Variants in RAB11FIP2 observed in about 807,000 individuals in gnomAD.
RAB11FIP2 encodes the protein rab11 family-interacting protein 2.
RAB11FIP2 carries 16 observed loss-of-function variants against 40.9 expected under a neutral mutation model. That is an observed-to-expected ratio of 0.39 (90% CI 0.26 to 0.59). RAB11FIP2 has a LOEUF of 0.59. RAB11FIP2 is among the 20% of genes least tolerant of loss of function. The pLI, the probability that RAB11FIP2 is intolerant of heterozygous loss-of-function variation, is 0.53. For missense variants in RAB11FIP2, 532 were observed against 606.2 expected (o/e 0.88, Z 1.28); for synonymous variants, 228 against 213.7 (o/e 1.07, Z -0.58).
In RAB11FIP2 at chr10:118,005,114, T is replaced by A. The variant is rs1168201202; in HGVS notation, c.*3884A>T. The stretch of plus-strand genomic sequence containing the variant: ...AGATAAGTGTTATACTCTTCAGTTA[T>A]AAATAATGCTTCTATCTTTCAAATA... On this transcript the variant is annotated 3_prime_UTR_variant, in exon 5 of 5. Coordinates refer to ENST00000355624, the MANE Select transcript of RAB11FIP2 (RefSeq NM_014904.3). The A allele has an allele frequency of 6.6e-6, 1 of 152,654 alleles. No homozygotes were observed. Among genetic ancestry groups the A allele is most frequent in the Non-Finnish European group, 1.5e-5 (1 of 68,036 alleles). The allele number at this position is 152,654 out of a possible 1,614,324, so 9.5% of individuals were successfully genotyped here.
chr10:118,029,526 G>C (rs1846388010), intron 3 of RAB11FIP2, among the ~76,000 whole-genome samples: 1 of 152,062 alleles, frequency 6.6e-6, no homozygotes. Flanking sequence ...ATTCAGACCT[G>C]ATATTTACAC....
chr10:118,012,740 T>C (rs1475456912), intron 4 of RAB11FIP2, among the ~76,000 whole-genome samples: 1 of 152,068 alleles, frequency 6.6e-6, no homozygotes. Flanking sequence ...AAAGACCAAA[T>C]GCAACTTACA....
intron 4 of RAB11FIP2, among the ~76,000 whole-genome samples, chr10:118,013,521 G>A (rs1412094168): frequency 6.6e-6 from 1 of 152,038 alleles, no homozygotes; most frequent in East Asian, 1.9e-4. Flanking sequence ...GGCTATTATT[G>A]GAGAACTTAA....
At chr10:118,020,205 AC>A (rs1393697120) in intron 3 of RAB11FIP2, among the ~76,000 whole-genome samples, 1 of 151,878 alleles carries the variant, frequency 6.6e-6, no homozygotes, top group Non-Finnish European at 1.5e-5. Context: ...CACAGTCCAA[AC>A]TCTTTAGTCA....
chr10:118,032,021 T>C (rs1846421167), intron 3 of RAB11FIP2, among the ~76,000 whole-genome samples: 1 of 151,586 alleles, frequency 6.6e-6, no homozygotes, highest in Non-Finnish European at 1.5e-5. Flanking sequence ...CACAGAGTAG[T>C]AGGCTTATAT....
chr10:118,037,837 T>TA (rs1469884886), intron 3 of RAB11FIP2, among the ~76,000 whole-genome samples: 1 of 152,038 alleles, frequency 6.6e-6, no homozygotes, highest in South Asian at 2.1e-4. Context: ...ACTCCAAGGA[T>TA]ACCAAAATCC....
At position 118,040,575 on chromosome 10, in the gene RAB11FIP2, A is replaced by T; in HGVS notation, c.354-10T>A. ...TTCTAATCTAAACCACCTTAAAGAGAAGAAAAAAAAATTGGCTGTAACACA... is the reference window on the plus strand; with the variant it reads ...TTCTAATCTAAACCACCTTAAAGAGTAGAAAAAAAAATTGGCTGTAACACA... On this transcript the variant is annotated splice_polypyrimidine_tract_variant and intron_variant, in intron 1 of 4. Transcript: ENST00000355624. The T allele has an allele frequency of 6.4e-7, 1 of 1,556,260 alleles. No homozygotes were observed. The highest frequency in any genetic ancestry group is 1.8e-4 in the Middle Eastern group (1 of 5,710).
intron 3 of RAB11FIP2, among the ~76,000 whole-genome samples, chr10:118,032,930 T>C (rs1846432897): frequency 6.6e-6 from 1 of 152,106 alleles, no homozygotes; most frequent in South Asian, 2.1e-4. Flanking sequence ...TGTGTTTGAG[T>C]AGCCCTTATT....
chr10:118,043,644 AAT>A (rs1358278629), intron 1 of RAB11FIP2: 1 of 152,220 alleles, frequency 6.6e-6, no homozygotes, highest in Non-Finnish European at 1.5e-5. Flanking sequence ...ACAAGCTGTA[AAT>A]ATATGTCTTC....
chr10:118,007,782 T>C lies in RAB11FIP2; in HGVS notation c.*1216A>G, dbSNP rs975223483. 2.6e-5 allele frequency: 4 copies of C among 152,138 alleles called. No homozygotes were observed. Among genetic ancestry groups the C allele is most frequent in the East Asian group, 3.9e-4 (2 of 5,194 alleles). The allele number at this position is 152,138 out of a possible 1,614,324, so 9.4% of individuals were successfully genotyped here. A position where few individuals can be genotyped will look rare whatever the true frequency, so the allele number is the denominator to read the frequency against. On this transcript the variant is annotated 3_prime_UTR_variant, in exon 5 of 5. Coordinates refer to ENST00000355624, the MANE Select transcript of RAB11FIP2 (RefSeq NM_014904.3). ...TATTTTGGGGGAGTGGACTTTAAAATAGAACATAATTTTGTAATAAATCAA... is the reference window on the plus strand; with the variant it reads ...TATTTTGGGGGAGTGGACTTTAAAACAGAACATAATTTTGTAATAAATCAA...
intron 1 of RAB11FIP2, among the ~76,000 whole-genome samples, chr10:118,041,478 G>C (rs1007720558): frequency 6.6e-6 from 1 of 152,088 alleles, no homozygotes; most frequent in African/African-American, 2.4e-5. Context: ...CATGTCACAA[G>C]TGGTCATTCT....
Position 118,040,370 on chromosome 10 carries a change from CG to C in RAB11FIP2, c.548del (p.Thr183SerfsTer25). ...GRKNDGTFSD[T>X]SSAIIPSTHM... Reference sequence around the variant, plus strand: ...GAGTACTTGGAATGATTGCAGAAGACGTATCAGAAAATGTTCCATCATTTTT... The same window carrying C: ...GAGTACTTGGAATGATTGCAGAAGACTATCAGAAAATGTTCCATCATTTTT... On this transcript the variant is annotated frameshift_variant, in exon 2 of 5. Coordinates refer to ENST00000355624, the MANE Select transcript of RAB11FIP2 (RefSeq NM_014904.3). LOFTEE classifies it high-confidence loss of function. The C allele has an allele frequency of 6.2e-7, 1 of 1,613,740 alleles. No individual in the cohort carries two copies. Among genetic ancestry groups the C allele is most frequent in the Non-Finnish European group, 8.5e-7 (1 of 1,179,668 alleles).
intron 4 of RAB11FIP2, among the ~76,000 whole-genome samples, chr10:118,009,448 T>C (rs915211352): frequency 1.3e-5 from 2 of 152,144 alleles, no homozygotes; most frequent in African/African-American, 2.4e-5. Flanking sequence ...CCTAAAACCC[T>C]TTCTAACATT....
chr10:118,027,264 A>C (rs1322666019), intron 3 of RAB11FIP2, among the ~76,000 whole-genome samples: 1 of 152,222 alleles, frequency 6.6e-6, no homozygotes, highest in Non-Finnish European at 1.5e-5. Context: ...ACAGAGACTC[A>C]AACGCAGACC....
At chr10:118,015,724 T>C (rs1347276552) in intron 3 of RAB11FIP2, among the ~76,000 whole-genome samples, 2 of 152,152 alleles carry the variant, frequency 1.3e-5, no homozygotes, top group Admixed American at 1.3e-4. Flanking sequence ...GAAGAAAACA[T>C]CACAGCTGAA....
At chr10:118,044,708 G>C (rs994227046) in intron 1 of RAB11FIP2, among the ~76,000 whole-genome samples, 5 of 151,994 alleles carry the variant, frequency 3.3e-5, no homozygotes, top group Admixed American at 2.0e-4. Flanking sequence ...CCTGAGAGTA[G>C]AAATGTACAG....
chr10:118,046,507 G>C lies in RAB11FIP2; in HGVS notation c.-344C>G, dbSNP rs1416063881. 2.3e-5 allele frequency: 2 copies of C among 86,214 alleles called. No individual in the cohort carries two copies. The highest frequency in any genetic ancestry group is 3.7e-5 in the Non-Finnish European group (2 of 53,784). The allele number at this position is 86,214 out of a possible 1,614,324, so 5.3% of individuals were successfully genotyped here. ...CGGACCCGGGCGGAGGGCTGCGGGG[G>C]TGAAGGGAGCCCCCGCCCCAATTCT... On this transcript the variant is annotated 5_prime_UTR_variant, in exon 1 of 5. Transcript: ENST00000355624.
intron 1 of RAB11FIP2, 22 bp from the exon 2 acceptor site, chr10:118,040,587 T>C (rs778601712): frequency 6.6e-7 from 1 of 1,506,450 alleles, no homozygotes; most frequent in Non-Finnish European, 9.0e-7. Flanking sequence ...GAAAAAAAAA[T>C]TGGCTGTAAC....
chr10:118,025,612 A>G (rs1589642826), intron 3 of RAB11FIP2, among the ~76,000 whole-genome samples: 1 of 152,218 alleles, frequency 6.6e-6, no homozygotes, highest in South Asian at 2.1e-4. Flanking sequence ...CATATATGGA[A>G]AACTCTTCAT....
Sources: gnomAD v4.1 joint callset for allele counts (sites outside exome capture counted in the v4.1 genomes callset) on GRCh38, gnomAD v4.1.1 for gene constraint, MANE v1.5 for transcripts, NCBI Gene and HGNC (gene_info 2026-07-23, HGNC 2026-07-21) for gene names.